The following SLC39A11 variants were observed in gnomAD, a reference collection of about 807,000 sequenced individuals.
SLC39A11 encodes solute carrier family 39 member 11, also known as zinc transporter ZIP11.
A neutral mutation model predicts 36.1 loss-of-function variants in SLC39A11; 33 were observed. That is an observed-to-expected ratio of 0.91 (90% CI 0.69 to 1.22). The LOEUF (loss-of-function observed/expected upper bound fraction) is 1.22, where lower values mean the gene tolerates loss of function less well. Ranked by LOEUF, SLC39A11 falls within the 50% of genes most tolerant of loss-of-function variation. SLC39A11 has a pLI of 0.00. For missense variants in SLC39A11, 432 were observed against 430.3 expected (o/e 1.00, Z -0.03); for synonymous variants, 166 against 170.3 (o/e 0.97, Z 0.20).
chr17:72,889,926 C>T (rs943141103), intron 5 of SLC39A11, among the ~76,000 whole-genome samples: 1 of 152,008 alleles, frequency 6.6e-6, no homozygotes, highest in African/African-American at 2.4e-5. Flanking sequence ...GGGCTGGAAG[C>T]AAGAAAATGC....
chr17:72,762,035 C>A (rs559322525), intron 6 of SLC39A11, among the ~76,000 whole-genome samples: 28 of 152,274 alleles, frequency 1.8e-4, no homozygotes, highest in Admixed American at 1.4e-3. Flanking sequence ...GTTGGCGAAG[C>A]CTGACCTTCT....
In SLC39A11 at chr17:72,846,018, C is replaced by CTTTTTTTTTTTTTTTTTTTT. The variant is rs569100122; in HGVS notation, c.601+3596_601+3615dup. ...CCAATGAATCTCTCTCTCTCTCTCT[C>CTTTTTTTTTTTTTTTTTTTT]TTTTTTTTTTTTTTTTTTTTTTTTT... On this transcript the variant is annotated intron_variant, in intron 6 of 9. Coordinates refer to ENST00000255559, the MANE Select transcript of SLC39A11 (RefSeq NM_139177.4). 3.5e-4 allele frequency among the ~76,000 whole-genome samples: 20 copies of CTTTTTTTTTTTTTTTTTTTT among 57,956 alleles called. 4 individuals carry two copies. The highest frequency in any genetic ancestry group is 1.2e-3 in the African/African-American group (14 of 11,710). The allele number at this position is 57,956 out of a possible 152,430, so 38.0% of individuals were successfully genotyped here. A position where few individuals can be genotyped will look rare whatever the true frequency, so the allele number is the denominator to read the frequency against.
At chr17:72,978,378 G>C (rs1219435700) in intron 4 of SLC39A11, among the ~76,000 whole-genome samples, 5 of 152,152 alleles carry the variant, frequency 3.3e-5, no homozygotes, top group Admixed American at 6.5e-5. Flanking sequence ...ATTGTGGTGG[G>C]GAAACCGATG....
intron 4 of SLC39A11, among the ~76,000 whole-genome samples, chr17:72,950,177 C>G (rs755774678): frequency 5.3e-5 from 8 of 152,228 alleles, no homozygotes; most frequent in Non-Finnish European, 1.2e-4. Context: ...GCGATGTCCT[C>G]TATGAATGTC....
At chr17:72,647,712 C>T in intron 9 of SLC39A11, 50 bp from the exon 10 acceptor site, 1 of 1,508,102 alleles carries the variant, frequency 6.6e-7, no homozygotes, top group Non-Finnish European at 9.2e-7. Flanking sequence ...ATCCCTGAGG[C>T]CACGGCTAGG....
At chr17:73,085,931 C>T (rs867992072) in intron 2 of SLC39A11, among the ~76,000 whole-genome samples, 1 of 152,160 alleles carries the variant, frequency 6.6e-6, no homozygotes, top group Non-Finnish European at 1.5e-5. Flanking sequence ...AACGCACACA[C>T]ATACTACAGT....
chr17:73,011,159 C>T (rs2090488071), intron 4 of SLC39A11, among the ~76,000 whole-genome samples: 1 of 152,132 alleles, frequency 6.6e-6, no homozygotes, highest in African/African-American at 2.4e-5. Flanking sequence ...AGATATGGGG[C>T]AAGTCTGGAG....
rs1567837203 is a variant in SLC39A11, at chr17:72,859,380, T to C, written c.431-9576A>G. On this transcript the variant is annotated intron_variant, in intron 5 of 9. Coordinates refer to ENST00000255559, the MANE Select transcript of SLC39A11 (RefSeq NM_139177.4). The stretch of plus-strand genomic sequence containing the variant: ...CCACATATTGCATGGGATCTACTTA[T>C]GCAACAAGGTGTTCATTGTTTATTT... 3.3e-5 allele frequency among the ~76,000 whole-genome samples: 5 copies of C among 152,306 alleles called. No homozygotes were observed. The South Asian group carries it at 1.0e-3, about 32-fold the overall frequency.
intron 5 of SLC39A11, among the ~76,000 whole-genome samples, chr17:72,887,465 G>A (rs1045949167): frequency 6.6e-6 from 1 of 152,204 alleles, no homozygotes; most frequent in African/African-American, 2.4e-5. Context: ...TCTTTCTTGT[G>A]CCTGTGTATG....
chr17:72,683,866 G>A (rs1198101708), intron 7 of SLC39A11, among the ~76,000 whole-genome samples: 1 of 151,808 alleles, frequency 6.6e-6, no homozygotes, highest in Non-Finnish European at 1.5e-5. Context: ...TAAGCCCCTG[G>A]GTTCCTTTGG....
At chr17:73,009,286 G>A (rs553941353) in intron 4 of SLC39A11, among the ~76,000 whole-genome samples, 17 of 150,466 alleles carry the variant, frequency 1.1e-4, no homozygotes, top group Admixed American at 9.3e-4. Flanking sequence ...GGAGAATGGC[G>A]TGAGCTTGCA....
At chr17:72,891,335 C>T (rs537294536) in intron 5 of SLC39A11, among the ~76,000 whole-genome samples, 2 of 152,246 alleles carry the variant, frequency 1.3e-5, no homozygotes, top group South Asian at 2.1e-4. Flanking sequence ...GCACGAGAAT[C>T]GCTTGAACCC....
At chr17:72,882,919 C>T in intron 5 of SLC39A11, among the ~76,000 whole-genome samples, 1 of 151,570 alleles carries the variant, frequency 6.6e-6, no homozygotes. Context: ...GCCTCAGCCT[C>T]CCCAGTAGCT....
chr17:72,947,628 G>C (rs759834440), intron 5 of SLC39A11, 124 bp downstream of exon 5: 2 of 1,401,868 alleles, frequency 1.4e-6, no homozygotes, highest in Non-Finnish European at 2.0e-6. Context: ...GAGTGATTCG[G>C]AGGGATAGGA....
intron 4 of SLC39A11, among the ~76,000 whole-genome samples, chr17:73,003,269 G>A (rs1442358160): frequency 6.6e-6 from 1 of 152,194 alleles, no homozygotes; most frequent in Non-Finnish European, 1.5e-5. Context: ...ATCTGGAAAT[G>A]TACAGATCAC....
chr17:72,884,922 A>G (rs755968790), intron 5 of SLC39A11, among the ~76,000 whole-genome samples: 1 of 152,088 alleles, frequency 6.6e-6, no homozygotes. Flanking sequence ...TTAAATATAA[A>G]GTGGTAATAT....
chr17:72,992,379 C>G (rs1400420332), intron 4 of SLC39A11, among the ~76,000 whole-genome samples: 2 of 152,062 alleles, frequency 1.3e-5, no homozygotes, highest in African/African-American at 4.8e-5. Context: ...AAAAGAAAAA[C>G]AAAATAATTT....
intron 6 of SLC39A11, among the ~76,000 whole-genome samples, chr17:72,739,929 T>C (rs1343016752): frequency 1.3e-5 from 2 of 152,044 alleles, no homozygotes; most frequent in African/African-American, 4.8e-5. Context: ...ACCAAGAACA[T>C]AAAGTCAATT....
intron 7 of SLC39A11, among the ~76,000 whole-genome samples, chr17:72,701,004 C>T (rs1270801972): frequency 6.6e-6 from 1 of 152,246 alleles, no homozygotes; most frequent in Non-Finnish European, 1.5e-5. Context: ...GGCTGACACA[C>T]GTGGTACACG....
Sources: gnomAD v4.1 joint callset for allele counts (sites outside exome capture counted in the v4.1 genomes callset) on GRCh38, gnomAD v4.1.1 for gene constraint, MANE v1.5 for transcripts, NCBI Gene and HGNC (gene_info 2026-07-23, HGNC 2026-07-21) for gene names.